The following CD44 variants were observed in gnomAD, a reference collection of about 807,000 sequenced individuals.
CD44 encodes the protein CD44 molecule (IN blood group).
CD44 carries 49 observed loss-of-function variants against 88.8 expected under a neutral mutation model. That is an observed-to-expected ratio of 0.55 (90% CI 0.44 to 0.70). CD44 has a LOEUF of 0.70. CD44 is among the 30% of genes least tolerant of loss of function. CD44 has a pLI of 0.00. For missense variants in CD44, 883 were observed against 913.8 expected, an observed-to-expected ratio of 0.97 and a Z score of 0.43; for synonymous variants, 325 against 312.3, an observed-to-expected ratio of 1.04 and a Z score of -0.43.
intron 3 of CD44, among the ~76,000 whole-genome samples, chr11:35,181,907 ATATATATTATATATTATAT>A (rs1468379552): frequency 3.5e-5 from 2 of 56,846 alleles, no homozygotes; most frequent in Non-Finnish European, 5.9e-5. Flanking sequence ...ATAATATATA[ATATATATTATATATTATAT>A]TATATATAAA....
At chr11:35,188,231 A>G (rs1945889598) in intron 4 of CD44, among the ~76,000 whole-genome samples, 1 of 152,154 alleles carries the variant, frequency 6.6e-6, no homozygotes, top group Admixed American at 6.5e-5. Flanking sequence ...CCAGCCCCAC[A>G]TTGTTATGTA....
intron 1 of CD44, among the ~76,000 whole-genome samples, chr11:35,148,052 T>A (rs1041076281): frequency 6.6e-6 from 1 of 151,508 alleles, no homozygotes; most frequent in Non-Finnish European, 1.5e-5. Context: ...GATCACGCCA[T>A]TGCACTCCAG....
In CD44 at chr11:35,214,905, G is replaced by C; in HGVS notation, c.1864G>C (p.Glu622Gln). 6.4e-7 allele frequency: 1 copy of C among 1,554,456 alleles called. No homozygotes were observed. Among genetic ancestry groups the C allele is most frequent in the South Asian group, 1.2e-5 (1 of 81,498 alleles). ...GGGGTCCCATACCACTCATGGATCT[G>C]AATCAGATGGTGAGTTCAAAACTGC... ...SGGSHTTHGS[E>Q]SDGHSHGSQE... Residue 622 changes from glutamate to glutamine, a missense_variant, in exon 15 of 18, where the codon GAA (glutamate) becomes CAA (glutamine). By Grantham distance (29) the Glu-to-Gln change is conservative (BLOSUM62 2). Around this residue, in one of 2 missense-constraint regions of CD44, gnomAD observed 631 missense variants for 590.9 expected, o/e 1.07. Coordinates refer to ENST00000428726, the MANE Select transcript of CD44 (RefSeq NM_000610.4).
intron 1 of CD44, among the ~76,000 whole-genome samples, chr11:35,164,304 G>A (rs1417426010): frequency 1.3e-5 from 2 of 152,198 alleles, no homozygotes; most frequent in Non-Finnish European, 2.9e-5. Context: ...GCAGGATGCT[G>A]AGTGGATTGT....
intron 9 of CD44, among the ~76,000 whole-genome samples, chr11:35,203,759 T>A (rs1174819807): frequency 6.6e-6 from 1 of 152,092 alleles, no homozygotes; most frequent in East Asian, 1.9e-4. Context: ...AATGTTGGTG[T>A]CTTTCTGACT....
chr11:35,226,880 C>CT (rs367551052), intron 17 of CD44, among the ~76,000 whole-genome samples: 11,265 of 106,228 alleles, frequency 0.11, 883 homozygotes, highest in African/African-American at 0.2. Flanking sequence ...TTCTTTTTTC[C>CT]TTTTTTTTTT....
At chr11:35,207,684 G>A (rs1472221468) in intron 11 of CD44, among the ~76,000 whole-genome samples, 2 of 152,160 alleles carry the variant, frequency 1.3e-5, no homozygotes, top group Non-Finnish European at 2.9e-5. Flanking sequence ...GGGGAAGAGG[G>A]CTATTTTTAA....
Position 35,214,890 on chromosome 11 carries a change from A to G in CD44, c.1849A>G (p.Thr617Ala). 6.4e-7 allele frequency: 1 copy of G among 1,561,088 alleles called. No homozygotes were observed. Among genetic ancestry groups the G allele is most frequent in the Non-Finnish European group, 8.7e-7 (1 of 1,154,238 alleles). ...DTFHPSGGSH[T>A]THGSESDGHS... is the part of the protein sequence containing the mutation. Reference sequence around the variant, plus strand: ...ATTCCACCCCAGTGGGGGGTCCCATACCACTCATGGATCTGAATCAGATGG... The same window carrying G: ...ATTCCACCCCAGTGGGGGGTCCCATGCCACTCATGGATCTGAATCAGATGG... Residue 617 changes from threonine (T) to alanine (A), a missense_variant, in exon 15 of 18, where the codon ACC becomes GCC. Physicochemically the swap from Thr to Ala is moderately conservative, Grantham distance 58. Around this residue, in one of 2 missense-constraint regions of CD44, gnomAD observed 631 missense variants for 590.9 expected, o/e 1.07. Transcript: ENST00000428726.
chr11:35,180,529 T>A, intron 3 of CD44, 122 bp downstream of exon 3: 1 of 1,058,432 alleles, frequency 9.4e-7, no homozygotes, highest in Non-Finnish European at 1.4e-6. Flanking sequence ...TGAATATCTG[T>A]ACAGCAGAGC....
At chr11:35,209,639 T>G (rs1948212316) in intron 12 of CD44, among the ~76,000 whole-genome samples, 1 of 152,194 alleles carries the variant, frequency 6.6e-6, no homozygotes, top group African/African-American at 2.4e-5. Context: ...GTCTCTGTGT[T>G]CTCTGGTTTT....
chr11:35,141,762 C>T (rs191717371), intron 1 of CD44, among the ~76,000 whole-genome samples: 18 of 152,258 alleles, frequency 1.2e-4, no homozygotes, highest in Admixed American at 8.5e-4. Flanking sequence ...CCCCGGCCCT[C>T]GCTTTCATGT....
chr11:35,180,706 G>A (rs1944903075), intron 3 of CD44, among the ~76,000 whole-genome samples: 1 of 152,136 alleles, frequency 6.6e-6, no homozygotes. Flanking sequence ...ACTAAGAGTA[G>A]CTGATAAGCT....
chr11:35,160,792 C>T (rs1942494724), intron 1 of CD44, among the ~76,000 whole-genome samples: 1 of 152,208 alleles, frequency 6.6e-6, no homozygotes, highest in African/African-American at 2.4e-5. Flanking sequence ...TACTAAATGG[C>T]AGACACTGGG....
chr11:35,224,362 T>C (rs909767595), intron 17 of CD44, among the ~76,000 whole-genome samples: 3 of 152,212 alleles, frequency 2.0e-5, no homozygotes, highest in African/African-American at 7.2e-5. Flanking sequence ...TATTCCCTTT[T>C]CATGAGAGCA....
rs1859223173 is a variant in CD44, at chr11:35,146,578, G to T, written c.67+7208G>T. 2.6e-5 allele frequency among the ~76,000 whole-genome samples: 4 copies of T among 152,134 alleles called. No homozygotes were observed. In the South Asian group the frequency reaches 8.3e-4, roughly 32 times the overall value. The stretch of plus-strand genomic sequence containing the variant: ...TCCAAACACTGACTTCATGAAGGTG[G>T]TGCTGTTATTATCTGTCTTTTACAT... On this transcript the variant is annotated intron_variant, in intron 1 of 17. Coordinates refer to ENST00000428726, the MANE Select transcript of CD44 (RefSeq NM_000610.4).
At chr11:35,141,484 T>C (rs1023044347) in intron 1 of CD44, among the ~76,000 whole-genome samples, 2 of 152,002 alleles carry the variant, frequency 1.3e-5, no homozygotes, top group African/African-American at 2.4e-5. Flanking sequence ...AGGGCCCTGG[T>C]GGTTTCCCTA....
At position 35,214,820 on chromosome 11, in the gene CD44, G is replaced by A. The variant is rs377641999; in HGVS notation, c.1811-32G>A. The A allele has an allele frequency of 3.8e-6, 5 of 1,323,564 alleles. No individual in the cohort carries two copies. In the African/African-American group the frequency reaches 7.5e-5, roughly 20 times the overall value. The allele number at this position is 1,323,564 out of a possible 1,614,324, so 82.0% of individuals were successfully genotyped here. On this transcript the variant is annotated intron_variant, in intron 14 of 17. Transcript: ENST00000428726. The stretch of plus-strand genomic sequence containing the variant: ...CAGATGGGAGTGTAAGTGAAAACAT[G>A]CAGTACTGACCTTCCTGATTGCTCA...
At position 35,201,195 on chromosome 11, in the gene CD44, G is replaced by T; in HGVS notation, c.1036G>T (p.Asp346Tyr). 6.3e-7 allele frequency: 1 copy of T among 1,595,484 alleles called. No individual in the cohort carries two copies. Among genetic ancestry groups the T allele is most frequent in the Middle Eastern group, 1.7e-4 (1 of 6,014 alleles). The change falls in exon 8 of 18, where the codon GAT becomes TAT. Residue 346 changes from aspartate to tyrosine, a missense_variant and splice_region_variant. Physicochemically the swap from Asp to Tyr is radical, Grantham distance 160. Transcript: ENST00000428726. ...ACTTCAGACAACCACAAGGATGACT[G>T]GTAATGGGTTCTGCATATTTAATGA... ...VLLQTTTRMT[D>Y]VDRNGTTAYE...
chr11:35,206,584 T>A (rs1321898269), intron 11 of CD44, among the ~76,000 whole-genome samples: 7 of 147,484 alleles, frequency 4.7e-5, no homozygotes, highest in Non-Finnish European at 1.0e-4. Context: ...CACCACAGCA[T>A]CACAGAAAGG....
Sources: gnomAD v4.1 joint callset for allele counts (sites outside exome capture counted in the v4.1 genomes callset) on GRCh38, gnomAD v4.1.1 for gene constraint, gnomAD v4.1.1 regional missense constraint, MANE v1.5 for transcripts, NCBI Gene and HGNC (gene_info 2026-07-23, HGNC 2026-07-21) for gene names.